CSMD1: variants seen among roughly 807,000 people sequenced by gnomAD.
The protein encoded by CSMD1 is CUB and Sushi multiple domains 1, also known as CUB and sushi domain-containing protein 1.
Under a neutral mutation model 417.5 loss-of-function variants are expected in CSMD1, and 213 were observed. The ratio of observed to expected loss-of-function variants is 0.51; its 90% confidence interval spans 0.46 to 0.57. The LOEUF is 0.57. Ranked by LOEUF, CSMD1 falls within the 20% of genes least tolerant of loss-of-function variation. The pLI is 0.00. For synonymous variants in CSMD1, 2,862 were observed against 1,736.8 expected (o/e 1.65, Z -16.11); for missense variants, 6,923 against 4,529.7 (o/e 1.53, Z -15.17).
rs1214351055 is a variant in CSMD1 at position 4,694,848 on chromosome 8, C to A, written c.86-57290G>T. On this transcript the variant is annotated intron_variant, in intron 1 of 69. Coordinates refer to ENST00000635120, the MANE Select transcript of CSMD1 (RefSeq NM_033225.6). ...GACCGAGACCTGTCTCAGATATTCTCGTTTCATAGCTCTCAGCCAAATTTT... is the reference window on the plus strand; with the variant it reads ...GACCGAGACCTGTCTCAGATATTCTAGTTTCATAGCTCTCAGCCAAATTTT... Among the ~76,000 whole-genome samples the A allele has an allele frequency of 2.6e-5, 4 of 152,224 alleles. No individual in the cohort carries two copies. The East Asian group carries it at 5.8e-4, about 22-fold the overall frequency.
intron 2 of CSMD1, among the ~76,000 whole-genome samples, chr8:4,551,108 T>A (rs1797850288): frequency 6.6e-6 from 1 of 152,178 alleles, no homozygotes; most frequent in Non-Finnish European, 1.5e-5. Context: ...TGGTTATAAT[T>A]ACCTAAAGAG....
intron 3 of CSMD1, among the ~76,000 whole-genome samples, chr8:4,231,437 G>C (rs890074204): frequency 2.6e-5 from 4 of 152,168 alleles, no homozygotes; most frequent in African/African-American, 9.7e-5. Context: ...AAAAGTGATA[G>C]GTGTAGAGAT....
chr8:4,519,062 C>A (rs1044568549), intron 2 of CSMD1, among the ~76,000 whole-genome samples: 1 of 152,130 alleles, frequency 6.6e-6, no homozygotes, highest in African/African-American at 2.4e-5. Flanking sequence ...TCTTTTAGAA[C>A]AAGAGTCCAT....
At position 3,405,523 on chromosome 8, in the gene CSMD1, G is replaced by C. The variant is rs11779049; in HGVS notation, c.2266+504C>G. 3.9e-3 allele frequency among the ~76,000 whole-genome samples: 587 copies of C among 152,292 alleles called. 3 individuals carry two copies. Among genetic ancestry groups the C allele is most frequent in the Non-Finnish European group, 5.5e-3 (374 of 68,020 alleles). On this transcript the variant is annotated intron_variant, in intron 15 of 69. Transcript: ENST00000635120. ...GTCCCCCCAAAAAATCATACATTGAGGTCCTAACCCTCAGCGCCTCAGATG... is the reference window on the plus strand; with the variant it reads ...GTCCCCCCAAAAAATCATACATTGACGTCCTAACCCTCAGCGCCTCAGATG...
At chr8:4,404,253 C>G (rs1015607103) in intron 3 of CSMD1, among the ~76,000 whole-genome samples, 1 of 152,058 alleles carries the variant, frequency 6.6e-6, no homozygotes, top group Admixed American at 6.6e-5. Context: ...TTGTGATAGG[C>G]TATATATTTA....
chr8:3,369,254 C>T lies in CSMD1; in HGVS notation c.2899G>A (p.Gly967Arg). The stretch of plus-strand genomic sequence containing the variant: ...TTTGAGACCTATGATAGATTCTTAC[C>T]TTTCCCATGAGACACTTCAATGGTC... Reference protein sequence around the residue: ...TWTIEVSHGKGVQMIFHTFHL... With the variant: ...TWTIEVSHGKRVQMIFHTFHL... The change falls in exon 19 of 70, where the codon GGA (glycine) becomes AGA (arginine). Residue 967 changes from glycine to arginine, a missense_variant and splice_region_variant. Gly to Arg is a moderately radical substitution (Grantham distance 125). Coordinates refer to ENST00000635120, the MANE Select transcript of CSMD1 (RefSeq NM_033225.6). The T allele has an allele frequency of 1.4e-6, 2 of 1,469,974 alleles. No individual in the cohort carries two copies. The highest frequency in any genetic ancestry group is 1.9e-6 in the Non-Finnish European group (2 of 1,051,378). 91.1% of individuals were successfully genotyped at this position (1,469,974 alleles called of 1,614,324 possible).
At chr8:4,349,277 A>AT (rs1178752951) in intron 3 of CSMD1, among the ~76,000 whole-genome samples, 1 of 152,118 alleles carries the variant, frequency 6.6e-6, no homozygotes, top group Non-Finnish European at 1.5e-5. Flanking sequence ...TTCAAAAACA[A>AT]TTTTTGCAGC....
chr8:4,440,866 G>T (rs149651186), intron 2 of CSMD1, among the ~76,000 whole-genome samples: 2 of 151,468 alleles, frequency 1.3e-5, no homozygotes, highest in Non-Finnish European at 2.9e-5. Context: ...GAGTGGGGGT[G>T]AATGCCTATA....
intron 2 of CSMD1, among the ~76,000 whole-genome samples, chr8:4,518,621 T>TGGGGGGGG (rs1162515744): frequency 1.2e-5 from 1 of 84,242 alleles, no homozygotes; most frequent in Admixed American, 1.4e-4. Flanking sequence ...TGCTGTGGGG[T>TGGGGGGGG]GGGGGGCGGG....
chr8:2,940,474 G>A (rs117366750), intron 69 of CSMD1, among the ~76,000 whole-genome samples: 1 of 152,162 alleles, frequency 6.6e-6, no homozygotes, highest in Non-Finnish European at 1.5e-5. Flanking sequence ...CACCGACCCA[G>A]AGGAGGCATC....
chr8:3,382,386 A>T (rs1169953697), intron 18 of CSMD1, among the ~76,000 whole-genome samples: 1 of 145,174 alleles, frequency 6.9e-6, no homozygotes, highest in Non-Finnish European at 1.5e-5. Flanking sequence ...TTTAGTAATT[A>T]GTTATATATA....
chr8:4,702,232 C>G (rs1421088671), intron 1 of CSMD1, among the ~76,000 whole-genome samples: 1 of 152,110 alleles, frequency 6.6e-6, no homozygotes, highest in Non-Finnish European at 1.5e-5. Flanking sequence ...TGGAACAAAC[C>G]TGTGCATGTA....
chr8:4,143,745 G>T (rs944341059), intron 3 of CSMD1, among the ~76,000 whole-genome samples: 1 of 151,132 alleles, frequency 6.6e-6, no homozygotes, highest in African/African-American at 2.5e-5. Flanking sequence ...TGTGAAAGGG[G>T]GGATTTATTA....
At chr8:4,194,095 G>A (rs1799194366) in intron 3 of CSMD1, among the ~76,000 whole-genome samples, 1 of 152,080 alleles carries the variant, frequency 6.6e-6, no homozygotes, top group African/African-American at 2.4e-5. Context: ...TACTGTAAAT[G>A]TTATGGTAGG....
At chr8:4,602,570 C>G (rs1800648703) in intron 2 of CSMD1, among the ~76,000 whole-genome samples, 2 of 152,160 alleles carry the variant, frequency 1.3e-5, no homozygotes, top group South Asian at 2.1e-4. Context: ...AGATGTAAAA[C>G]TCTTTAACGT....
chr8:3,801,980 G>A lies in CSMD1; in HGVS notation c.819-47938C>T, dbSNP rs147624347. ...ATAATAGGTACAGAACATTTTTTAG[G>A]GGTGATGAAAATATTCTAAAATCGG... On this transcript the variant is annotated intron_variant, in intron 5 of 69. Transcript: ENST00000635120. Among the ~76,000 whole-genome samples, 374 of 152,138 alleles carry A rather than the reference G, an allele frequency of 2.5e-3. 5 individuals carry two copies. The highest frequency in any genetic ancestry group is 8.5e-3 in the African/African-American group (351 of 41,498).
rs768817498 is a variant in CSMD1, at chr8:4,120,380, G to C, written c.416-88281C>G. On this transcript the variant is annotated intron_variant, in intron 3 of 69. Coordinates refer to ENST00000635120, the MANE Select transcript of CSMD1 (RefSeq NM_033225.6). ...AAATCAGATTCTTACTTAGACTAAT[G>C]CCAACATGCTGACCGTATGCCCATC... Among the ~76,000 whole-genome samples, 3 of 152,254 alleles carry C rather than the reference G, an allele frequency of 2.0e-5. No individual in the cohort carries two copies. The South Asian group carries it at 6.2e-4, about 32-fold the overall frequency.
chr8:4,774,308 G>A (rs567455942), intron 1 of CSMD1, among the ~76,000 whole-genome samples: 1 of 152,296 alleles, frequency 6.6e-6, no homozygotes, highest in African/African-American at 2.4e-5. Flanking sequence ...TCCTGAGCAA[G>A]TTATAGTAAT....
intron 39 of CSMD1, among the ~76,000 whole-genome samples, chr8:3,155,178 G>C (rs187721261): frequency 9.9e-5 from 15 of 152,036 alleles, no homozygotes; most frequent in Admixed American, 9.2e-4. Flanking sequence ...TATTATTTGA[G>C]TCTATGTCTG....
Sources: allele counts gnomAD v4.1 joint callset (sites outside exome capture counted in the v4.1 genomes callset), GRCh38; gene constraint gnomAD v4.1.1; transcripts MANE v1.5; gene names NCBI Gene and HGNC (gene_info 2026-07-23, HGNC 2026-07-21).